The following SLC25A10 variants were observed in gnomAD, a reference collection of about 807,000 sequenced individuals.
SLC25A10 encodes mitochondrial dicarboxylate carrier.
Under a neutral mutation model 40.4 loss-of-function variants are expected in SLC25A10, and 32 were observed. The observed-to-expected ratio is 0.79, with a 90% confidence interval of 0.60 to 1.06. The LOEUF (loss-of-function observed/expected upper bound fraction) is 1.06. Ranked by LOEUF, SLC25A10 falls within the 50% of genes least tolerant of loss-of-function variation. SLC25A10 has a pLI of 0.00. For missense variants in SLC25A10, 394 were observed against 402.6 expected, an observed-to-expected ratio of 0.98 and a Z score of 0.18; for synonymous variants, 181 against 171.1, an observed-to-expected ratio of 1.06 and a Z score of -0.45.
chr17:81,712,849 C>G (rs2037411045), intron 1 of SLC25A10, among the ~76,000 whole-genome samples: 1 of 152,256 alleles, frequency 6.6e-6, no homozygotes, highest in South Asian at 2.1e-4. Context: ...GCCACCCACC[C>G]CCATACATTC....
intron 9 of SLC25A10, among the ~76,000 whole-genome samples, chr17:81,718,308 A>AC (rs1333868951): frequency 2.0e-5 from 3 of 151,878 alleles, no homozygotes; most frequent in Non-Finnish European, 4.4e-5. Flanking sequence ...ACATGGTGAA[A>AC]CCCCCTCTCT....
In SLC25A10 at chr17:81,720,611, C is replaced by A; in HGVS notation, c.*534C>A. On this transcript the variant is annotated 3_prime_UTR_variant, in exon 11 of 11. Coordinates refer to ENST00000350690, the MANE Select transcript of SLC25A10 (RefSeq NM_012140.5). ...AGACCCCGCAGCTGGGTGGGATGAA[C>A]AAGCAACGCAGACCACAAGCGAGTG... 9.9e-7 allele frequency: 1 copy of A among 1,013,026 alleles called. No individual in the cohort carries two copies. The highest frequency in any genetic ancestry group is 1.3e-6 in the Non-Finnish European group (1 of 781,088). The allele number at this position is 1,013,026 out of a possible 1,614,324, so 62.8% of individuals were successfully genotyped here.
At chr17:81,715,976 GCCCGCCCCT>G (rs377058442) in intron 4 of SLC25A10, 24 bp from the exon 5 acceptor site, 2 of 1,189,858 alleles carry the variant, frequency 1.7e-6, no homozygotes, top group East Asian at 5.0e-5. Flanking sequence ...CCCTCGGCCC[GCCCGCCCCT>G]CCCGCCACCT....
chr17:81,715,388 G>T, intron 2 of SLC25A10, 90 bp from the exon 3 acceptor site: 1 of 1,173,088 alleles, frequency 8.5e-7, no homozygotes, highest in Non-Finnish European at 1.2e-6. Context: ...GTGGCCCCTC[G>T]GGCTGAGGGG....
intron 4 of SLC25A10, 45 bp downstream of exon 4, chr17:81,715,786 T>TC (rs1247963863): frequency 1.2e-6 from 2 of 1,609,726 alleles, no homozygotes; most frequent in African/African-American, 2.7e-5. Flanking sequence ...GGCTTTCTTG[T>TC]CCCCAGACAT....
chr17:81,713,178 G>A (rs2037415782), intron 1 of SLC25A10: 1 of 152,044 alleles, frequency 6.6e-6, no homozygotes, highest in South Asian at 2.1e-4. Context: ...TTCTCAGCAC[G>A]AGAAGCAGCC....
chr17:81,717,425 G>C lies in SLC25A10; in HGVS notation c.561G>C (p.Gln187His), dbSNP rs2037509100. Reference sequence around the variant, plus strand: ...TGTCCTGCTACGACCAGGCCAAGCAGCTGGTCCTTAGCACCGGGTACCTCT... The same window carrying C: ...TGTCCTGCTACGACCAGGCCAAGCACCTGGTCCTTAGCACCGGGTACCTCT... ...GQLSCYDQAK[Q>H]LVLSTGYLSD... Residue 187 changes from glutamine (Q) to histidine (H), a missense_variant, in exon 8 of 11, where the codon CAG (glutamine) becomes CAC (histidine). Coordinates refer to ENST00000350690, the MANE Select transcript of SLC25A10 (RefSeq NM_012140.5). 6.2e-7 allele frequency: 1 copy of C among 1,613,472 alleles called. No individual in the cohort carries two copies. Among genetic ancestry groups the C allele is most frequent in the African/African-American group, 1.3e-5 (1 of 74,952 alleles).
At chr17:81,716,886 T>A in intron 6 of SLC25A10, 31 bp downstream of exon 6, 1 of 1,608,262 alleles carries the variant, frequency 6.2e-7, no homozygotes, top group Non-Finnish European at 8.5e-7. Context: ...ACAGGCAGGG[T>A]TCTGGGGGGC....
chr17:81,716,701 G>C lies in SLC25A10; in HGVS notation c.420-111G>C, dbSNP rs1412602442. 2.8e-6 allele frequency: 3 copies of C among 1,067,682 alleles called. No homozygotes were observed. The Admixed American group carries it at 6.4e-5, about 23-fold the overall frequency. The allele number at this position is 1,067,682 out of a possible 1,614,324, so 66.1% of individuals were successfully genotyped here. A position where few individuals can be genotyped will look rare whatever the true frequency, so the allele number is the denominator to read the frequency against. On this transcript the variant is annotated intron_variant, in intron 5 of 10. Coordinates refer to ENST00000350690, the MANE Select transcript of SLC25A10 (RefSeq NM_012140.5). ...CCCAGGGAGAGATCTTCAGGCCCATGAGGCCTCTGCTTCCTCGAGAACCCC... is the reference window on the plus strand; with the variant it reads ...CCCAGGGAGAGATCTTCAGGCCCATCAGGCCTCTGCTTCCTCGAGAACCCC...
intron 9 of SLC25A10, among the ~76,000 whole-genome samples, chr17:81,718,539 C>T (rs1298955652): frequency 1.3e-5 from 2 of 152,188 alleles, no homozygotes; most frequent in South Asian, 4.1e-4. Context: ...CCTGTAGTTC[C>T]AGCTACACAG....
chr17:81,712,943 T>C (rs1048438883), intron 1 of SLC25A10, among the ~76,000 whole-genome samples: 4 of 152,340 alleles, frequency 2.6e-5, no homozygotes, highest in African/African-American at 9.6e-5. Flanking sequence ...ACGTGCTGGC[T>C]GTAGCATACC....
chr17:81,716,870 C>A lies in SLC25A10; in HGVS notation c.463+15C>A. 1 of 1,610,664 alleles carries A rather than the reference C, an allele frequency of 6.2e-7. No individual in the cohort carries two copies. The highest frequency in any genetic ancestry group is 1.7e-5 in the Admixed American group (1 of 59,602). Reference sequence around the variant, plus strand: ...AGCTCGTGAAGGTGAGGGGCAGGTGCTGTGCACAGGCAGGGTTCTGGGGGG... The same window carrying A: ...AGCTCGTGAAGGTGAGGGGCAGGTGATGTGCACAGGCAGGGTTCTGGGGGG... On this transcript the variant is annotated intron_variant, in intron 6 of 10. Coordinates refer to ENST00000350690, the MANE Select transcript of SLC25A10 (RefSeq NM_012140.5).
intron 4 of SLC25A10, 32 bp from the exon 5 acceptor site, chr17:81,715,977 C>G (rs747548187): frequency 6.4e-7 from 1 of 1,555,954 alleles, no homozygotes; most frequent in Non-Finnish European, 8.7e-7. Context: ...CCTCGGCCCG[C>G]CCGCCCCTCC....
chr17:81,716,315 G>A (rs560489004), intron 5 of SLC25A10, among the ~76,000 whole-genome samples: 1 of 152,192 alleles, frequency 6.6e-6, no homozygotes, highest in African/African-American at 2.4e-5. Context: ...GGAGGCGAAC[G>A]CCCCAGGCAT....
intron 4 of SLC25A10, 36 bp from the exon 5 acceptor site, chr17:81,715,973 C>A: frequency 2.4e-6 from 3 of 1,244,196 alleles, no homozygotes; most frequent in Non-Finnish European, 3.5e-6. Context: ...TGCCCCTCGG[C>A]CCGCCCGCCC....
At chr17:81,716,942 G>T in intron 6 of SLC25A10, 60 bp from the exon 7 acceptor site, 1 of 1,356,896 alleles carries the variant, frequency 7.4e-7, no homozygotes, top group Non-Finnish European at 1.0e-6. Context: ...TGAGGGATTT[G>T]GGCCAGGTGC....
At position 81,715,996 on chromosome 17, in the gene SLC25A10, G is replaced by T; in HGVS notation, c.378-13G>T. 3 of 1,578,682 alleles carry T rather than the reference G, an allele frequency of 1.9e-6. No homozygotes were observed. Among genetic ancestry groups the T allele is most frequent in the Non-Finnish European group, 2.6e-6 (3 of 1,162,336 alleles). ...GGCCCGCCCGCCCCTCCCGCCACCT[G>T]CTTCTGTTTCAGGATGCAGAACGAC... On this transcript the variant is annotated splice_polypyrimidine_tract_variant and intron_variant, in intron 4 of 10. Transcript: ENST00000350690.
At chr17:81,712,654 C>T (rs1031314727) in intron 1 of SLC25A10, 135 bp downstream of exon 1, 8 of 594,640 alleles carry the variant, frequency 1.3e-5, no homozygotes, top group African/African-American at 1.9e-5. Flanking sequence ...CGAGGAGGCC[C>T]CCGACGCCCG....
rs1198363362 is a variant in SLC25A10, at chr17:81,717,030, A to G, written c.492A>G (p.Ala164=). The G allele has an allele frequency of 3.1e-6, 5 of 1,613,726 alleles. No individual in the cohort carries two copies. The highest frequency in any genetic ancestry group is 1.7e-6 in the Non-Finnish European group (2 of 1,179,950). The part of the protein sequence containing the change: ...EEGLRRLFSG[A]TMASSRGALV... ...GTCTCAGGAGACTGTTCTCGGGTGC[A>G]ACCATGGCATCCAGCCGAGGGGCCT... The change falls in exon 7 of 11, where the codon GCA becomes GCG. Residue 164 remains alanine (A), a synonymous_variant. Transcript: ENST00000350690.
Sources: gnomAD v4.1 joint callset for allele counts (sites outside exome capture counted in the v4.1 genomes callset) on GRCh38, gnomAD v4.1.1 for gene constraint, MANE v1.5 for transcripts, NCBI Gene and HGNC (gene_info 2026-07-23, HGNC 2026-07-21) for gene names.